Variants in ZFHX3 observed in about 807,000 individuals in gnomAD.
ZFHX3 encodes zinc finger homeobox 3.
ZFHX3 carries 42 observed loss-of-function variants against 279.1 expected under a neutral mutation model. The observed-to-expected ratio is 0.15, with a 90% CI of 0.12 to 0.19. ZFHX3 has a LOEUF of 0.19. Among genes scored for constraint, ZFHX3 ranks in the 10% least tolerant of loss-of-function variants. The pLI, the probability that ZFHX3 is intolerant of heterozygous loss-of-function variation, is 1.00. For missense variants in ZFHX3, 4,981 were observed against 4,754.0 expected, an observed-to-expected ratio of 1.05 and a Z score of -1.40; for synonymous variants, 2,293 against 1,957.8, an observed-to-expected ratio of 1.17 and a Z score of -4.52.
At chr16:73,226,260 T>C (rs780811294) in intron 5 of ZFHX3, among the ~76,000 whole-genome samples, 1 of 152,172 alleles carries the variant, frequency 6.6e-6, no homozygotes, top group African/African-American at 2.4e-5. Flanking sequence ...AACAGGAAAC[T>C]GTAGACAAGC....
At chr16:73,120,150 C>T (rs11075967) in intron 7 of ZFHX3, among the ~76,000 whole-genome samples, 84,044 of 151,956 alleles carry the variant, frequency 0.55, 25,310 homozygotes, top group Middle Eastern at 0.76. Flanking sequence ...TCTTTCTGTC[C>T]CTGATCTATC....
chr16:73,175,385 C>CAAA (rs764868631), intron 5 of ZFHX3, among the ~76,000 whole-genome samples: 1 of 151,664 alleles, frequency 6.6e-6, no homozygotes, highest in East Asian at 2.0e-4. Flanking sequence ...GTCTCCAAAA[C>CAAA]AAACAAACAA....
intron 3 of ZFHX3, among the ~76,000 whole-genome samples, chr16:72,899,118 T>A (rs1433313748): frequency 1.3e-5 from 2 of 152,222 alleles, no homozygotes; most frequent in African/African-American, 4.8e-5. Flanking sequence ...ACTTCTTCCC[T>A]AGCACTATTT....
chr16:73,453,470 T>C (rs1352097421), intron 3 of ZFHX3, among the ~76,000 whole-genome samples: 1 of 152,178 alleles, frequency 6.6e-6, no homozygotes, highest in East Asian at 1.9e-4. Flanking sequence ...GAGACTTCCA[T>C]GCCGGAAGGA....
Position 73,227,247 on chromosome 16 carries a change from T to C in ZFHX3, c.-1104+29800A>G, listed in dbSNP as rs567752106. Reference sequence around the variant, plus strand: ...TTTTGACAATATTCTTTTTAACCTGTGGTTCTTAATAAGATTTTTGCAGGA... The same window carrying C: ...TTTTGACAATATTCTTTTTAACCTGCGGTTCTTAATAAGATTTTTGCAGGA... On this transcript the variant is annotated intron_variant, in intron 5 of 17. Coordinates refer to the ZFHX3 transcript ENST00000641206. 7.2e-5 allele frequency among the ~76,000 whole-genome samples: 11 copies of C among 152,308 alleles called. No individual in the cohort carries two copies. In the East Asian group the frequency reaches 2.1e-3, roughly 29 times the overall value.
intron 3 of ZFHX3, among the ~76,000 whole-genome samples, chr16:73,422,399 T>TG (rs1300475108): frequency 6.6e-6 from 1 of 152,180 alleles, no homozygotes; most frequent in Non-Finnish European, 1.5e-5. Context: ...TCTTTTTTAG[T>TG]AATACCAATT....
chr16:73,716,655 G>GCACACACACA (rs1567560122), intron 1 of ZFHX3, among the ~76,000 whole-genome samples: 23 of 100,622 alleles, frequency 2.3e-4, no homozygotes, highest in African/African-American at 8.2e-4. Flanking sequence ...ACACACGCAT[G>GCACACACACA]CACGCACGCA....
rs1352667534 is a variant in ZFHX3 at position 72,958,242 on chromosome 16, G to T, written c.1904C>A (p.Pro635His). The T allele has an allele frequency of 6.2e-7, 1 of 1,613,076 alleles. No individual in the cohort carries two copies. The highest frequency in any genetic ancestry group is 1.7e-5 in the Admixed American group (1 of 60,004). ...GGGGCACTCCACGCCACTCCCCGAG[G>T]GGCACTCCCCAACCCCAAGCTCGCA... ...SLCELGVGEC[P>H]SGSGVECPKC... Residue 635 changes from proline (P) to histidine (H), a missense_variant, in exon 2 of 10, where the codon CCC (proline) becomes CAC (histidine). By Grantham distance (77) the Pro-to-His change is moderately conservative (BLOSUM62 -2). This residue lies in a region of ZFHX3 where 1,068 missense variants were observed against 935.2 expected (regional missense o/e 1.14). Transcript: ENST00000268489.
At chr16:73,458,306 TTCCCTCCCTTCCTCCCTCACTTCC>T (rs1359760217) in intron 2 of ZFHX3, among the ~76,000 whole-genome samples, 79 of 141,810 alleles carry the variant, frequency 5.6e-4, no homozygotes, top group African/African-American at 1.6e-3. Context: ...CTTTCCTTCT[TTCCCTCCCTTCCTCCCTCACTTCC>T]TCCCTCCCTT....
intron 3 of ZFHX3, among the ~76,000 whole-genome samples, chr16:73,447,017 A>G (rs2018198893): frequency 6.6e-6 from 1 of 151,956 alleles, no homozygotes; most frequent in Non-Finnish European, 1.5e-5. Flanking sequence ...CATCTCTACT[A>G]AAAATACAAA....
At chr16:73,637,443 G>A (rs2142153098) in intron 2 of ZFHX3, among the ~76,000 whole-genome samples, 1 of 151,660 alleles carries the variant, frequency 6.6e-6, no homozygotes, top group African/African-American at 2.4e-5. Context: ...ATGTTTGTCA[G>A]TCTGGTCTTG....
In ZFHX3 at chr16:73,840,811, G is replaced by A. The variant is rs1961284273; in HGVS notation, c.-1608+50840C>T. 2.0e-5 allele frequency among the ~76,000 whole-genome samples: 3 copies of A among 152,140 alleles called. No homozygotes were observed. The South Asian group carries it at 6.2e-4, about 32-fold the overall frequency. On this transcript the variant is annotated intron_variant, in intron 1 of 17. Coordinates refer to the ZFHX3 transcript ENST00000641206. ...TATTTTGAAAATAGTCGACTGATGA[G>A]ATTTCCATTCCTCCTCCCGGTAAAA... is the stretch of plus-strand genomic sequence containing the variant.
At chr16:73,307,001 A>G (rs2015197751) in intron 4 of ZFHX3, among the ~76,000 whole-genome samples, 2 of 152,224 alleles carry the variant, frequency 1.3e-5, no homozygotes, top group Admixed American at 1.3e-4. Flanking sequence ...TTCCTACACA[A>G]CAAGAACAGC....
Position 73,058,577 on chromosome 16 carries a change from G to C in ZFHX3, c.-71C>G, listed in dbSNP as rs1257114525. On this transcript the variant is annotated 5_prime_UTR_variant, in exon 1 of 9. Transcript: ENST00000397992. The stretch of plus-strand genomic sequence containing the variant: ...CGGCTGCAGCGGCGCTGCTGGCGAC[G>C]GCGGCGGCGGCGGGAGCTGGCGGCG... The C allele has an allele frequency of 5.6e-5, 13 of 230,758 alleles. No homozygotes were observed. In the Admixed American group the frequency reaches 7.0e-4, roughly 12 times the overall value. 14.3% of individuals were successfully genotyped at this position (230,758 alleles called of 1,614,324 possible). A position where few individuals can be genotyped will look rare whatever the true frequency, so the allele number is the denominator to read the frequency against.
chr16:72,911,456 GGAAAAC>G (rs1248921214), intron 3 of ZFHX3, among the ~76,000 whole-genome samples: 1 of 152,036 alleles, frequency 6.6e-6, no homozygotes, highest in Non-Finnish European at 1.5e-5. Context: ...TTTTTCCTTC[GGAAAAC>G]TTACCTTCCT....
chr16:73,567,032 G>C (rs1236087742), intron 2 of ZFHX3, among the ~76,000 whole-genome samples: 1 of 151,984 alleles, frequency 6.6e-6, no homozygotes, highest in Non-Finnish European at 1.5e-5. Flanking sequence ...TTTTTGTAGA[G>C]ATAGGGGGGT....
At chr16:73,405,285 T>G (rs966772343) in intron 3 of ZFHX3, among the ~76,000 whole-genome samples, 2 of 152,176 alleles carry the variant, frequency 1.3e-5, no homozygotes, top group Non-Finnish European at 2.9e-5. Context: ...AATTATTCTG[T>G]TTTTTTCCAC....
chr16:73,684,328 GTGTGTGTT>G (rs995395177), intron 1 of ZFHX3, among the ~76,000 whole-genome samples: 5 of 148,986 alleles, frequency 3.4e-5, no homozygotes, highest in African/African-American at 1.2e-4. Context: ...TATGGCATGT[GTGTGTGTT>G]TGTGTGTGTG....
intron 2 of ZFHX3, among the ~76,000 whole-genome samples, chr16:73,625,340 C>T (rs1185085107): frequency 2.0e-5 from 3 of 152,198 alleles, no homozygotes; most frequent in Non-Finnish European, 4.4e-5. Flanking sequence ...AGTAAGATTA[C>T]AGCTCACACC....
Sources: gnomAD v4.1 joint callset for allele counts (sites outside exome capture counted in the v4.1 genomes callset) on GRCh38, gnomAD v4.1.1 for gene constraint, gnomAD v4.1.1 regional missense constraint, MANE v1.5 for transcripts, NCBI Gene and HGNC (gene_info 2026-07-23, HGNC 2026-07-21) for gene names.